The following TENM2 variants were observed in gnomAD, a reference collection of about 807,000 sequenced individuals.
TENM2 encodes the protein teneurin transmembrane protein 2.
In TENM2, 52 loss-of-function variants were observed where a neutral mutation model predicts 245.2. The observed-to-expected ratio is 0.21, with a 90% CI of 0.17 to 0.27. The LOEUF (loss-of-function observed/expected upper bound fraction) is 0.27, where lower values mean the gene tolerates loss of function less well. Among genes scored for constraint, TENM2 ranks in the 10% least tolerant of loss-of-function variants. The pLI is 1.00. For missense variants in TENM2, 3,046 were observed against 3,666.8 expected (o/e 0.83, Z 4.37); for synonymous variants, 1,363 against 1,438.9 (o/e 0.95, Z 1.19).
the TENM2 span, among the ~76,000 whole-genome samples, chr5:167,062,625 GTGT>G: frequency 6.6e-6 from 1 of 152,132 alleles, no homozygotes; most frequent in Non-Finnish European, 1.5e-5. Context: ...TTCATGCCAG[GTGT>G]TGTTCTAGAT....
chr5:167,697,556 GT>G (rs1757847775), intron 2 of TENM2, among the ~76,000 whole-genome samples: 1 of 151,964 alleles, frequency 6.6e-6, no homozygotes, highest in African/African-American at 2.4e-5. Context: ...TTGAGATATA[GT>G]TTAGCTCTTG....
At chr5:167,723,148 T>C (rs1035896147) in intron 2 of TENM2, among the ~76,000 whole-genome samples, 1 of 152,212 alleles carries the variant, frequency 6.6e-6, no homozygotes, top group South Asian at 2.1e-4. Flanking sequence ...ACCACATTTT[T>C]AGGTCCCACT....
chr5:167,179,587 C>T, the TENM2 span, among the ~76,000 whole-genome samples: 1 of 152,132 alleles, frequency 6.6e-6, no homozygotes, highest in Non-Finnish European at 1.5e-5. Context: ...CCCACCCCCG[C>T]AACCCCGGCT....
chr5:167,785,656 C>A (rs1361599638), intron 2 of TENM2, among the ~76,000 whole-genome samples: 1 of 152,150 alleles, frequency 6.6e-6, no homozygotes, highest in African/African-American at 2.4e-5. Flanking sequence ...GGTGTGTTAG[C>A]CTGTAGTTTG....
chr5:167,753,348 T>C (rs1024744332), intron 2 of TENM2, among the ~76,000 whole-genome samples: 1 of 152,190 alleles, frequency 6.6e-6, no homozygotes, highest in African/African-American at 2.4e-5. Flanking sequence ...TGGCTCTGTA[T>C]TTCCTAATAG....
chr5:167,061,193 G>T, the TENM2 span, among the ~76,000 whole-genome samples: 1 of 152,160 alleles, frequency 6.6e-6, no homozygotes. Context: ...GGAAGAGAAA[G>T]TAGTCTTTAT....
chr5:167,396,604 A>C lies in TENM2; in HGVS notation c.502+21131A>C, dbSNP rs576628653. 2.0e-5 allele frequency among the ~76,000 whole-genome samples: 3 copies of C among 152,294 alleles called. No homozygotes were observed. The South Asian group carries it at 6.2e-4, about 32-fold the overall frequency. ...AGTGAAGCATCATGCTGTATCAAGG[A>C]CAAGAAGCAGTGTGTATCTCTTTTA... On this transcript the variant is annotated intron_variant, in intron 2 of 28. Transcript: ENST00000518659.
At chr5:167,166,772 C>T in the TENM2 span, among the ~76,000 whole-genome samples, 1 of 152,070 alleles carries the variant, frequency 6.6e-6, no homozygotes, top group East Asian at 1.9e-4. Flanking sequence ...ACCCAGGTTG[C>T]CTATTCTCAA....
At chr5:167,817,681 G>A (rs1389168512) in intron 2 of TENM2, among the ~76,000 whole-genome samples, 1 of 152,132 alleles carries the variant, frequency 6.6e-6, no homozygotes, top group Non-Finnish European at 1.5e-5. Context: ...TTAAATATGG[G>A]TCATGTAAGC....
At chr5:167,965,009 C>T (rs1485711541) in intron 4 of TENM2, among the ~76,000 whole-genome samples, 1 of 152,050 alleles carries the variant, frequency 6.6e-6, no homozygotes, top group African/African-American at 2.4e-5. Context: ...GTATGCAAGA[C>T]TAAAGGTCCA....
intron 1 of TENM2, among the ~76,000 whole-genome samples, chr5:167,302,495 T>C (rs1296865833): frequency 6.9e-6 from 1 of 144,924 alleles, no homozygotes; most frequent in African/African-American, 2.6e-5. Context: ...AATAAGGGGT[T>C]GGGGTGCAGA....
chr5:166,980,990 T>G, the TENM2 span, among the ~76,000 whole-genome samples: 1 of 152,226 alleles, frequency 6.6e-6, no homozygotes, highest in Non-Finnish European at 1.5e-5. Context: ...AAATGTAAAC[T>G]TAACTAATGT....
chr5:167,743,731 C>G (rs58347375), intron 2 of TENM2, among the ~76,000 whole-genome samples: 15,459 of 152,102 alleles, frequency 0.1, 1,415 homozygotes, highest in East Asian at 0.44. Context: ...ATTATAGCAA[C>G]TATAAGCTTG....
At chr5:168,063,661 C>G (rs1468753616) in intron 7 of TENM2, among the ~76,000 whole-genome samples, 2 of 152,136 alleles carry the variant, frequency 1.3e-5, no homozygotes, top group African/African-American at 4.8e-5. Flanking sequence ...GCTACAATTT[C>G]TTTACCTTTA....
chr5:167,892,580 G>A (rs1774848587), intron 3 of TENM2, among the ~76,000 whole-genome samples: 1 of 152,192 alleles, frequency 6.6e-6, no homozygotes, highest in Non-Finnish European at 1.5e-5. Flanking sequence ...TTAGGGATAG[G>A]AGTGTTTCCA....
At chr5:167,384,497 A>G (rs10076695) in intron 2 of TENM2, among the ~76,000 whole-genome samples, 56,172 of 151,752 alleles carry the variant, frequency 0.37, 11,663 homozygotes, top group African/African-American at 0.58. Flanking sequence ...GATAATGGGA[A>G]TATAGTGATT....
At chr5:167,078,092 C>T in the TENM2 span, among the ~76,000 whole-genome samples, 5 of 151,830 alleles carry the variant, frequency 3.3e-5, no homozygotes, top group East Asian at 7.8e-4. Flanking sequence ...ATAATATAAA[C>T]TATAAGTAAG....
rs1158189514 is a variant in TENM2 at position 167,458,648 on chromosome 5, G to A, written c.502+83175G>A. Among the ~76,000 whole-genome samples the A allele has an allele frequency of 3.3e-5, 5 of 152,188 alleles. No individual in the cohort carries two copies. The East Asian group carries it at 9.7e-4, about 29-fold the overall frequency. ...ACATCTCAACAGAATTTTATTAGTA[G>A]TAAAAACACTGATAATAACAAAATA... is the stretch of plus-strand genomic sequence containing the variant. On this transcript the variant is annotated intron_variant, in intron 2 of 28. Coordinates refer to ENST00000518659, the Ensembl canonical transcript of TENM2.
At chr5:168,037,339 C>T (rs1403328113) in intron 5 of TENM2, among the ~76,000 whole-genome samples, 1 of 152,142 alleles carries the variant, frequency 6.6e-6, no homozygotes, top group African/African-American at 2.4e-5. Flanking sequence ...ACTTCTTCAA[C>T]TCATTTCTCA....
Sources: allele counts gnomAD v4.1 joint callset (sites outside exome capture counted in the v4.1 genomes callset), GRCh38; gene constraint gnomAD v4.1.1; transcripts MANE v1.5; gene names NCBI Gene and HGNC (gene_info 2026-07-23, HGNC 2026-07-21).